Variants in PRICKLE2 observed in about 807,000 individuals in gnomAD.
PRICKLE2 encodes the protein prickle-like protein 2.
In PRICKLE2, 21 loss-of-function variants were observed where a neutral mutation model predicts 81.4. The observed-to-expected ratio is 0.26, with a 90% CI of 0.18 to 0.37. The LOEUF is 0.37. Among genes scored for constraint, PRICKLE2 ranks in the 10% least tolerant of loss-of-function variants. PRICKLE2 has a pLI of 1.00. For missense variants in PRICKLE2, 940 were observed against 1,109.0 expected (o/e 0.85, Z 2.16); for synonymous variants, 456 against 421.5 (o/e 1.08, Z -1.00).
At chr3:64,231,866 T>G (rs967443305) in intron 2 of PRICKLE2, among the ~76,000 whole-genome samples, 12 of 152,200 alleles carry the variant, frequency 7.9e-5, no homozygotes, top group Admixed American at 6.5e-4. Context: ...GGTCCACAGC[T>G]GAAGTTTGGT....
Position 64,099,379 on chromosome 3 carries a change from A to C in PRICKLE2, c.2207T>G (p.Met736Arg), listed in dbSNP as rs758228643. 62 of 1,609,000 alleles carry C rather than the reference A, an allele frequency of 3.9e-5. No individual in the cohort carries two copies. Among genetic ancestry groups the C allele is most frequent in the Non-Finnish European group, 5.1e-5 (60 of 1,176,226 alleles). Residue 736 changes from methionine (M) to arginine (R), a missense_variant, in exon 8 of 8, where the codon ATG (methionine) becomes AGG (arginine). Met to Arg is a moderately conservative substitution (Grantham distance 91). Transcript: ENST00000638394. This position sits in a 1 kb window ranked among gnomAD's most constrained non-coding sequence, Gnocchi z 4.3. The part of the protein sequence containing the change: ...FMRQRSFQES[M>R]GHGSRRDLYG... ...CAGGTCCCTCCGGGACCCATGCCCC[A>C]TGCTCTCCTGGAAGCTCCGCTGGCG...
At chr3:64,226,766 A>G (rs1482221908), upstream of PRICKLE2, among the ~76,000 whole-genome samples, 1 of 152,212 alleles carries the variant, frequency 6.6e-6, no homozygotes, top group Non-Finnish European at 1.5e-5. Context: ...TATTCCTTCA[A>G]TGCTGCCTGT....
chr3:64,182,086 T>G (rs2078144777), intron 2 of PRICKLE2, among the ~76,000 whole-genome samples: 1 of 152,032 alleles, frequency 6.6e-6, no homozygotes, highest in Admixed American at 6.6e-5. Flanking sequence ...TGGTCTGAAT[T>G]TGTACCCCCA....
At chr3:64,149,959 T>A (rs1249539072) in intron 6 of PRICKLE2, among the ~76,000 whole-genome samples, 2 of 141,238 alleles carry the variant, frequency 1.4e-5, no homozygotes, top group Admixed American at 7.4e-5. Flanking sequence ...ATCAACTGAA[T>A]CAACTCCATC....
chr3:64,208,159 A>G (rs1169653951), intron 1 of PRICKLE2, among the ~76,000 whole-genome samples: 4 of 152,202 alleles, frequency 2.6e-5, no homozygotes, highest in African/African-American at 7.2e-5. Flanking sequence ...GGCTGCCTAG[A>G]AAAGGTAAGC....
upstream of PRICKLE2, among the ~76,000 whole-genome samples, chr3:64,226,695 C>T (rs1407495582): frequency 1.3e-5 from 2 of 152,236 alleles, no homozygotes; most frequent in Non-Finnish European, 2.9e-5. Flanking sequence ...ATCTACTAGG[C>T]TGATCACTGT....
chr3:64,169,520 C>G (rs1241641427), intron 2 of PRICKLE2, among the ~76,000 whole-genome samples: 2 of 152,028 alleles, frequency 1.3e-5, no homozygotes, highest in Non-Finnish European at 2.9e-5. Flanking sequence ...CATCTGAGGC[C>G]TTTATTAAAG....
At chr3:64,125,532 C>G (rs2077092680) in intron 7 of PRICKLE2, among the ~76,000 whole-genome samples, 1 of 152,170 alleles carries the variant, frequency 6.6e-6, no homozygotes, top group Non-Finnish European at 1.5e-5. Context: ...CTTCAGCAAC[C>G]ACTACTCTGA....
chr3:64,163,190 C>G, intron 2 of PRICKLE2, 61 bp from the exon 3 acceptor site: 5 of 977,052 alleles, frequency 5.1e-6, no homozygotes, highest in Non-Finnish European at 8.3e-6. Flanking sequence ...CCTATTCCCA[C>G]TTACTGGGAA....
At chr3:64,159,774 C>T (rs1413051987) in intron 4 of PRICKLE2, 166 bp downstream of exon 4, 1 of 803,390 alleles carries the variant, frequency 1.2e-6, no homozygotes, top group Admixed American at 2.0e-5. Context: ...TGACTTCCTC[C>T]CCTAGAATCC....
At chr3:64,100,788 C>T (rs1246864993) in intron 7 of PRICKLE2, 1 of 152,172 alleles carries the variant, frequency 6.6e-6, no homozygotes, top group African/African-American at 2.4e-5. Context: ...GCAGTAACTT[C>T]CATTTTGCTC....
intron 1 of PRICKLE2, among the ~76,000 whole-genome samples, chr3:64,215,304 G>A (rs1433017190): frequency 6.6e-6 from 1 of 152,098 alleles, no homozygotes; most frequent in African/African-American, 2.4e-5. Flanking sequence ...GATCTTTGCA[G>A]CAGCTGCTCC....
In PRICKLE2 at chr3:64,119,720, G is replaced by A. The variant is rs1347644765; in HGVS notation, c.1661-19795C>T. 2.0e-5 allele frequency among the ~76,000 whole-genome samples: 3 copies of A among 152,272 alleles called. No homozygotes were observed. The East Asian group carries it at 5.8e-4, about 29-fold the overall frequency. On this transcript the variant is annotated intron_variant, in intron 7 of 7. Coordinates refer to ENST00000638394, the MANE Select transcript of PRICKLE2 (RefSeq NM_198859.4). ...CCCATTACCGGGTATATATCCAAAA[G>A]AAAATAAAACATTCTGTCAAAAAGA...
intron 2 of PRICKLE2, among the ~76,000 whole-genome samples, chr3:64,231,753 A>G (rs1321909542): frequency 6.6e-6 from 1 of 152,220 alleles, no homozygotes; most frequent in East Asian, 1.9e-4. Context: ...TGCATACTTT[A>G]TCTCATTTAG....
chr3:64,238,580 G>C (rs773195905), intron 2 of PRICKLE2, among the ~76,000 whole-genome samples: 2 of 152,122 alleles, frequency 1.3e-5, no homozygotes, highest in Non-Finnish European at 2.9e-5. Context: ...ATCACCAAGA[G>C]AGCCAGTGTC....
chr3:64,128,955 C>A (rs773677109), intron 7 of PRICKLE2, among the ~76,000 whole-genome samples: 6 of 151,600 alleles, frequency 4.0e-5, no homozygotes, highest in Non-Finnish European at 8.8e-5. Flanking sequence ...ATATTTGGGG[C>A]AGGATAATTC....
chr3:64,148,312 C>A (rs927223994), intron 6 of PRICKLE2, among the ~76,000 whole-genome samples: 6 of 152,334 alleles, frequency 3.9e-5, no homozygotes, highest in African/African-American at 1.2e-4. Flanking sequence ...TACTCTCCAC[C>A]CTTACCTGCT....
intron 2 of PRICKLE2, chr3:64,174,597 A>G (rs997113322): frequency 6.0e-6 from 1 of 167,398 alleles, no homozygotes; most frequent in African/African-American, 2.4e-5. Context: ...ACCCTATTTT[A>G]AAGGTACAGC....
At chr3:64,132,606 T>G (rs2077212813) in intron 7 of PRICKLE2, among the ~76,000 whole-genome samples, 1 of 152,258 alleles carries the variant, frequency 6.6e-6, no homozygotes, top group Non-Finnish European at 1.5e-5. Flanking sequence ...AATAAATATT[T>G]GTTGAAAACA....
Sources: allele counts gnomAD v4.1 joint callset (sites outside exome capture counted in the v4.1 genomes callset), GRCh38; gene constraint gnomAD v4.1.1; non-coding constraint Gnocchi (gnomAD v3.1); transcripts MANE v1.5; gene names NCBI Gene and HGNC (gene_info 2026-07-23, HGNC 2026-07-21).